Variants in LRBA observed in about 807,000 individuals in gnomAD.
LRBA encodes the protein lipopolysaccharide-responsive and beige-like anchor protein.
LRBA carries 176 observed loss-of-function variants against 330.0 expected under a neutral mutation model. The observed-to-expected ratio is 0.53, with a 90% CI of 0.47 to 0.60. LRBA has a LOEUF of 0.60. Among genes scored for constraint, LRBA ranks in the 20% least tolerant of loss-of-function variants. LRBA has a pLI of 0.00. For synonymous variants in LRBA, 1,230 were observed against 1,193.0 expected, an observed-to-expected ratio of 1.03 and a Z score of -0.64; for missense variants, 3,259 against 3,444.8, an observed-to-expected ratio of 0.95 and a Z score of 1.35.
intron 44 of LRBA, among the ~76,000 whole-genome samples, chr4:150,448,826 G>T (rs1390868020): frequency 8.0e-6 from 1 of 125,076 alleles, no homozygotes; most frequent in Admixed American, 8.1e-5. Context: ...AAAAAAAGGG[G>T]GGGGGGGTGG....
At chr4:150,409,879 T>C (rs1187811237) in intron 47 of LRBA, among the ~76,000 whole-genome samples, 6 of 152,202 alleles carry the variant, frequency 3.9e-5, no homozygotes, top group African/African-American at 1.2e-4. Flanking sequence ...TCTCCCTACA[T>C]TCCCAGGGAA....
In LRBA at chr4:150,483,407, G is replaced by GT. The variant is rs572189580; in HGVS notation, c.6551+4324dup. 2.5e-3 allele frequency among the ~76,000 whole-genome samples: 379 copies of GT among 149,316 alleles called. 2 individuals are homozygous for GT. Among genetic ancestry groups the GT allele is most frequent in the Non-Finnish European group, 3.8e-3 (257 of 67,054 alleles). On this transcript the variant is annotated intron_variant, in intron 42 of 56. Coordinates refer to ENST00000651943, the MANE Select transcript of LRBA (RefSeq NM_001364905.1). ...AATGTAATTTTATATTAAGTCTTTTGTTTTTTTTTCTCAAAATTGTTTAAA... is the reference window on the plus strand; with the variant it reads ...AATGTAATTTTATATTAAGTCTTTTGTTTTTTTTTTCTCAAAATTGTTTAAA...
At chr4:150,440,429 T>C (rs1479104521) in intron 44 of LRBA, among the ~76,000 whole-genome samples, 2 of 151,996 alleles carry the variant, frequency 1.3e-5, no homozygotes, top group African/African-American at 4.8e-5. Flanking sequence ...TAAAATAGAA[T>C]AGAATAATTT....
chr4:150,998,546 G>C lies in LRBA; in HGVS notation c.216+15881C>G, dbSNP rs78243052. On this transcript the variant is annotated intron_variant, in intron 2 of 56. Coordinates refer to ENST00000651943, the MANE Select transcript of LRBA (RefSeq NM_001364905.1). ...TTTTTTTGTTTTTTTGTAGATATAG[G>C]ATCTCACTATGTTGCCCTGGGTGGT... is the stretch of plus-strand genomic sequence containing the variant. 6.4e-3 allele frequency among the ~76,000 whole-genome samples: 978 copies of C among 152,028 alleles called. 13 individuals are homozygous for C. The highest frequency in any genetic ancestry group is 0.022 in the African/African-American group (927 of 41,446).
At chr4:150,823,077 C>G (rs1411129956) in intron 30 of LRBA, among the ~76,000 whole-genome samples, 1 of 152,158 alleles carries the variant, frequency 6.6e-6, no homozygotes, top group Non-Finnish European at 1.5e-5. Context: ...CACATCCTTG[C>G]CAACATTTGT....
intron 24 of LRBA, 21 bp from the exon 25 acceptor site, chr4:150,849,596 T>C: frequency 5.6e-6 from 9 of 1,597,918 alleles, no homozygotes; most frequent in Non-Finnish European, 7.7e-6. Context: ...ATAAATGATA[T>C]TTACTGATAA....
intron 2 of LRBA, among the ~76,000 whole-genome samples, chr4:150,966,294 T>G (rs1738871420): frequency 6.6e-6 from 1 of 152,000 alleles, no homozygotes; most frequent in Non-Finnish European, 1.5e-5. Context: ...CTGCTTGTTT[T>G]GTATTGCTAG....
At chr4:150,616,990 T>C (rs1460251051) in intron 37 of LRBA, among the ~76,000 whole-genome samples, 1 of 152,208 alleles carries the variant, frequency 6.6e-6, no homozygotes, top group African/African-American at 2.4e-5. Flanking sequence ...TCATGTTCAG[T>C]TCATTAACCT....
At chr4:150,426,518 C>G (rs966162063) in intron 46 of LRBA, among the ~76,000 whole-genome samples, 1 of 151,794 alleles carries the variant, frequency 6.6e-6, no homozygotes, top group Admixed American at 6.6e-5. Context: ...ACCTCAATTG[C>G]CATTTCAAAA....
Position 150,900,065 on chromosome 4 carries a change from G to A in LRBA, c.1908C>T (p.Ile636=), listed in dbSNP as rs1730553977. The part of the protein sequence containing the change: ...WAVNPQDRSG[I]TPKGLDGPRP... Reference sequence around the variant, plus strand: ...ATTATATACCTAATCCTTTTGGGGTGATACCACTTCGATCCTGAGGATTCA... The same window carrying A: ...ATTATATACCTAATCCTTTTGGGGTAATACCACTTCGATCCTGAGGATTCA... The change falls in exon 14 of 57, where the codon ATC becomes ATT. Residue 636 remains isoleucine (I), a synonymous_variant. Transcript: ENST00000651943. The A allele has an allele frequency of 1.9e-6, 3 of 1,611,988 alleles. No homozygotes were observed. The South Asian group carries it at 3.3e-5, about 18-fold the overall frequency.
At chr4:150,633,712 C>T (rs567817570) in intron 37 of LRBA, among the ~76,000 whole-genome samples, 19 of 152,204 alleles carry the variant, frequency 1.2e-4, no homozygotes, top group African/African-American at 3.1e-4. Flanking sequence ...CATAAGGCCT[C>T]GTGTAATCTG....
chr4:150,822,728 G>C (rs563537263), intron 30 of LRBA, among the ~76,000 whole-genome samples: 1 of 152,182 alleles, frequency 6.6e-6, no homozygotes, highest in East Asian at 1.9e-4. Context: ...CTCCAGCCTG[G>C]GTGGCAGAGC....
intron 40 of LRBA, chr4:150,579,874 C>G (rs1771046467): frequency 2.7e-6 from 1 of 372,480 alleles, no homozygotes; most frequent in South Asian, 1.9e-5. Flanking sequence ...AACGACGAAG[C>G]GACCACCTCG....
intron 37 of LRBA, among the ~76,000 whole-genome samples, chr4:150,657,353 C>A (rs998146906): frequency 1.3e-5 from 2 of 151,932 alleles, no homozygotes; most frequent in Non-Finnish European, 2.9e-5. Context: ...TTAGTAATAA[C>A]CTCTAGGGGT....
At chr4:150,940,081 A>AAAAC (rs199852241) in intron 2 of LRBA, among the ~76,000 whole-genome samples, 1 of 152,174 alleles carries the variant, frequency 6.6e-6, no homozygotes, top group South Asian at 2.1e-4. Flanking sequence ...CTTAAAAAAA[A>AAAAC]AAACAAACAA....
intron 44 of LRBA, among the ~76,000 whole-genome samples, chr4:150,443,399 A>G (rs896895423): frequency 2.0e-5 from 3 of 152,166 alleles, no homozygotes; most frequent in Non-Finnish European, 4.4e-5. Flanking sequence ...ACATGCACAC[A>G]TACATTTACT....
chr4:151,010,073 T>C (rs1744647411), intron 2 of LRBA, among the ~76,000 whole-genome samples: 1 of 152,142 alleles, frequency 6.6e-6, no homozygotes, highest in Non-Finnish European at 1.5e-5. Context: ...ATGCAAATAC[T>C]ATACCATTTT....
intron 37 of LRBA, among the ~76,000 whole-genome samples, chr4:150,634,536 A>C (rs1418646159): frequency 1.3e-5 from 2 of 152,242 alleles, no homozygotes; most frequent in Non-Finnish European, 2.9e-5. Flanking sequence ...AATAGGGATG[A>C]AGAAGGTAAC....
intron 40 of LRBA, among the ~76,000 whole-genome samples, chr4:150,562,920 C>A (rs1042838103): frequency 1.3e-5 from 2 of 152,012 alleles, no homozygotes; most frequent in Non-Finnish European, 2.9e-5. Context: ...TTATCTCAGC[C>A]TCTCAAGTAG....
Sources: allele counts gnomAD v4.1 joint callset (sites outside exome capture counted in the v4.1 genomes callset), GRCh38; gene constraint gnomAD v4.1.1; transcripts MANE v1.5; gene names NCBI Gene and HGNC (gene_info 2026-07-23, HGNC 2026-07-21).